The following SETDB2 variants were observed in gnomAD, a reference collection of about 807,000 sequenced individuals.
The protein encoded by SETDB2 is histone-lysine N-methyltransferase SETDB2.
SETDB2 carries 56 observed loss-of-function variants against 82.5 expected under a neutral mutation model. That is an observed-to-expected ratio of 0.68 (90% CI 0.55 to 0.85). The LOEUF is 0.85. SETDB2 is among the 40% of genes least tolerant of loss of function. SETDB2 has a pLI of 0.00. For synonymous variants in SETDB2, 272 were observed against 284.9 expected, an observed-to-expected ratio of 0.95 and a Z score of 0.46; for missense variants, 677 against 816.4, an observed-to-expected ratio of 0.83 and a Z score of 2.08.
At chr13:49,446,300 G>C in intron 1 of SETDB2, 1 of 450,290 alleles carries the variant, frequency 2.2e-6, no homozygotes, top group South Asian at 1.6e-5. Flanking sequence ...GCGTGTCAAG[G>C]TTATACTTAT....
At chr13:49,446,660 T>C (rs779961490) in intron 1 of SETDB2, among the ~76,000 whole-genome samples, 1 of 152,244 alleles carries the variant, frequency 6.6e-6, no homozygotes, top group Non-Finnish European at 1.5e-5. Flanking sequence ...TGCTGCATAG[T>C]GTTCCAGTGT....
At chr13:49,454,597 A>G (rs1470766689) in intron 2 of SETDB2, among the ~76,000 whole-genome samples, 7 of 152,174 alleles carry the variant, frequency 4.6e-5, no homozygotes, top group African/African-American at 1.7e-4. Flanking sequence ...TTGTTTATAC[A>G]TTTGTAATAC....
rs1958756393 is a variant in SETDB2 at position 49,493,834 on chromosome 13, C to A, written c.*1985C>A. Reference sequence around the variant, plus strand: ...TGACTACTGGAAATTGAATGCCATTCTGTTCCTTCTCTTTTGCATATATAA... The same window carrying A: ...TGACTACTGGAAATTGAATGCCATTATGTTCCTTCTCTTTTGCATATATAA... On this transcript the variant is annotated 3_prime_UTR_variant, in exon 14 of 14. Transcript: ENST00000611815. The A allele has an allele frequency of 6.6e-6, 1 of 152,156 alleles. No individual in the cohort carries two copies. Among genetic ancestry groups the A allele is most frequent in the Non-Finnish European group, 1.5e-5 (1 of 68,030 alleles). The allele number at this position is 152,156 out of a possible 1,614,324, so 9.4% of individuals were successfully genotyped here.
intron 1 of SETDB2, 29 bp from the exon 2 acceptor site, chr13:49,451,524 T>C (rs1156591891): frequency 6.7e-6 from 1 of 149,018 alleles, no homozygotes; most frequent in African/African-American, 2.4e-5. Context: ...TTTACAAATA[T>C]GCACTATTCT....
At chr13:49,485,795 C>T in intron 11 of SETDB2, 72 bp downstream of exon 11, 1 of 1,202,990 alleles carries the variant, frequency 8.3e-7, no homozygotes, top group Non-Finnish European at 1.2e-6. Flanking sequence ...ATACCTGTAG[C>T]TCATTTTCTT....
intron 4 of SETDB2, among the ~76,000 whole-genome samples, chr13:49,466,033 C>T (rs1163264108): frequency 6.6e-6 from 1 of 152,200 alleles, no homozygotes; most frequent in African/African-American, 2.4e-5. Context: ...ATTTGATTGG[C>T]TACTGTTGAT....
At chr13:49,470,966 C>CTTTCTTT (rs10695231) in intron 5 of SETDB2, among the ~76,000 whole-genome samples, 7,183 of 80,584 alleles carry the variant, frequency 0.089, 867 homozygotes, top group South Asian at 0.24. Context: ...TTCTTTCTTT[C>CTTTCTTT]TTTTTTTTTT....
chr13:49,483,513 A>T lies in SETDB2; in HGVS notation c.1432A>T (p.Arg478Ter). Reference sequence around the variant, plus strand: ...AAGAATTCAATATCATTCAGTTATTAGAGATCCTGAATCCAAGACAGCCAT... The same window carrying T: ...AAGAATTCAATATCATTCAGTTATTTGAGATCCTGAATCCAAGACAGCCAT... ...ISRIQYHSVIRDPESKTAIFQ... is the reference protein window; with the variant it reads ...ISRIQYHSVI Residue 478 changes from arginine to a stop codon, truncating the protein, a stop_gained, in exon 10 of 14, where the codon AGA becomes TGA. Transcript: ENST00000611815. LOFTEE classifies it high-confidence loss of function. 1 of 1,500,126 alleles carries T rather than the reference A, an allele frequency of 6.7e-7. No homozygotes were observed. The highest frequency in any genetic ancestry group is 9.0e-7 in the Non-Finnish European group (1 of 1,114,620). The allele number at this position is 1,500,126 out of a possible 1,614,324, so 92.9% of individuals were successfully genotyped here.
At chr13:49,466,848 G>T (rs1193124161) in intron 4 of SETDB2, among the ~76,000 whole-genome samples, 1 of 148,330 alleles carries the variant, frequency 6.7e-6, no homozygotes, top group Non-Finnish European at 1.5e-5. Flanking sequence ...TAGAGACAGG[G>T]CCTTGTTCTG....
chr13:49,470,969 T>TCTTTCTTTTC (rs1555271648), intron 5 of SETDB2, among the ~76,000 whole-genome samples: 1 of 104,862 alleles, frequency 9.5e-6, no homozygotes, highest in Non-Finnish European at 2.0e-5. Flanking sequence ...TTTCTTTCTT[T>TCTTTCTTTTC]TTTTTTTTTT....
At chr13:49,458,262 A>G (rs1484322262) in intron 2 of SETDB2, among the ~76,000 whole-genome samples, 2 of 152,056 alleles carry the variant, frequency 1.3e-5, no homozygotes, top group East Asian at 3.8e-4. Context: ...TTTTTTGTAG[A>G]GAGGAGGTCT....
At chr13:49,454,374 A>G (rs1279382695) in intron 2 of SETDB2, among the ~76,000 whole-genome samples, 1 of 152,212 alleles carries the variant, frequency 6.6e-6, no homozygotes, top group African/African-American at 2.4e-5. Flanking sequence ...GTGCCACTGT[A>G]TTGCAGCCTG....
At chr13:49,488,690 C>A in intron 12 of SETDB2, 60 bp downstream of exon 12, 1 of 1,349,674 alleles carries the variant, frequency 7.4e-7, no homozygotes, top group Non-Finnish European at 1.0e-6. Context: ...TGCTACTTAA[C>A]AAAATTATGA....
At chr13:49,471,508 A>G (rs1166777084) in intron 5 of SETDB2, among the ~76,000 whole-genome samples, 1 of 150,218 alleles carries the variant, frequency 6.7e-6, no homozygotes, top group Non-Finnish European at 1.5e-5. Flanking sequence ...GGAATTTATT[A>G]GAAGTGTACG....
At chr13:49,458,172 C>A (rs1957927936) in intron 2 of SETDB2, among the ~76,000 whole-genome samples, 1 of 152,206 alleles carries the variant, frequency 6.6e-6, no homozygotes. Context: ...CAGCCTCGAA[C>A]TCCTGGGCTC....
intron 2 of SETDB2, among the ~76,000 whole-genome samples, chr13:49,457,170 G>A (rs199888576): frequency 7.1e-6 from 1 of 141,692 alleles, no homozygotes; most frequent in East Asian, 2.0e-4. Context: ...ATTTTAAGTA[G>A]TTCCTACCAG....
At chr13:49,463,605 C>T (rs1303146263) in intron 4 of SETDB2, among the ~76,000 whole-genome samples, 1 of 152,190 alleles carries the variant, frequency 6.6e-6, no homozygotes, top group Admixed American at 6.5e-5. Context: ...TGCTATGCAG[C>T]CCAGATGTCT....
Position 49,488,546 on chromosome 13 carries a change from A to G in SETDB2, c.1833A>G (p.Ser611=), listed in dbSNP as rs773989017. The change falls in exon 12 of 14, where the codon TCA becomes TCG. Residue 611 remains serine, a synonymous_variant. Coordinates refer to ENST00000611815, the MANE Select transcript of SETDB2 (RefSeq NM_001160308.3). The part of the protein sequence containing the change: ...EELLSETKNT[S]SDSLTKFNKG... ...TGCTAAGTGAAACCAAGAATACTTC[A>G]TCTGATTCTCTAACAAAGTTCAATA... 1.9e-6 allele frequency: 3 copies of G among 1,613,300 alleles called. No individual in the cohort carries two copies. Among genetic ancestry groups the G allele is most frequent in the African/African-American group, 2.7e-5 (2 of 75,030 alleles).
At chr13:49,460,761 T>G (rs1256445532) in intron 3 of SETDB2, among the ~76,000 whole-genome samples, 2 of 152,220 alleles carry the variant, frequency 1.3e-5, no homozygotes, top group African/African-American at 4.8e-5. Context: ...TTTCTCCAGA[T>G]TATTTTTAGT....
Sources: allele counts gnomAD v4.1 joint callset (sites outside exome capture counted in the v4.1 genomes callset), GRCh38; gene constraint gnomAD v4.1.1; transcripts MANE v1.5; gene names NCBI Gene and HGNC (gene_info 2026-07-23, HGNC 2026-07-21).